FRYL: variants seen among roughly 807,000 people sequenced by gnomAD.
FRYL encodes protein furry homolog-like.
FRYL carries 150 observed loss-of-function variants against 351.2 expected under a neutral mutation model. The observed-to-expected ratio is 0.43, with a 90% CI of 0.37 to 0.49. The LOEUF is 0.49. Ranked by LOEUF, FRYL falls within the 20% of genes least tolerant of loss-of-function variation. FRYL has a pLI of 0.00. For synonymous variants in FRYL, 1,153 were observed against 1,257.1 expected (o/e 0.92, Z 1.75); for missense variants, 3,036 against 3,619.3 (o/e 0.84, Z 4.13).
intron 3 of FRYL, among the ~76,000 whole-genome samples, chr4:48,673,990 T>C (rs773817230): frequency 6.6e-6 from 1 of 152,240 alleles, no homozygotes; most frequent in Admixed American, 6.5e-5. Flanking sequence ...CATATGTTTC[T>C]TCCATTCTTA....
intron 8 of FRYL, 41 bp downstream of exon 8, chr4:48,609,703 T>G: frequency 1.0e-6 from 1 of 967,724 alleles, no homozygotes; most frequent in Non-Finnish European, 1.6e-6. Flanking sequence ...AGACCTGGAT[T>G]GCAAAAAAAG....
At chr4:48,689,417 A>T (rs1358329818) in intron 2 of FRYL, among the ~76,000 whole-genome samples, 5 of 152,236 alleles carry the variant, frequency 3.3e-5, no homozygotes, top group African/African-American at 1.2e-4. Flanking sequence ...CTACAAATTT[A>T]TCATATAAAT....
chr4:48,519,915 G>A (rs777712317), intron 55 of FRYL, among the ~76,000 whole-genome samples: 4 of 152,120 alleles, frequency 2.6e-5, no homozygotes, highest in Non-Finnish European at 5.9e-5. Context: ...TGTATTTTTA[G>A]TAGAGACGGA....
chr4:48,777,801 C>T (rs549834123), intron 1 of FRYL, among the ~76,000 whole-genome samples: 108 of 152,228 alleles, frequency 7.1e-4, no homozygotes, highest in Non-Finnish European at 1.2e-3. Flanking sequence ...TTATGCCTAG[C>T]TGCTTGCCTG....
chr4:48,687,242 C>T (rs1441729418), intron 2 of FRYL, among the ~76,000 whole-genome samples: 1 of 152,130 alleles, frequency 6.6e-6, no homozygotes, highest in Admixed American at 6.5e-5. Flanking sequence ...GGTAATTGTA[C>T]ATGGTCATGC....
At chr4:48,636,594 C>T (rs1398027901) in intron 3 of FRYL, among the ~76,000 whole-genome samples, 1 of 151,840 alleles carries the variant, frequency 6.6e-6, no homozygotes, top group Non-Finnish European at 1.5e-5. Context: ...AAAAATAAAG[C>T]ATAACCAAAT....
Position 48,549,391 on chromosome 4 carries a change from T to G in FRYL, c.4784+82A>C. 8.0e-7 allele frequency: 1 copy of G among 1,252,868 alleles called. No individual in the cohort carries two copies. The highest frequency in any genetic ancestry group is 2.4e-5 in the Admixed American group (1 of 42,036). The allele number at this position is 1,252,868 out of a possible 1,614,324, so 77.6% of individuals were successfully genotyped here. Reference sequence around the variant, plus strand: ...CATAAAGAAGATTGCTTTCATTCTGTGTTGTCAGATAGCACAAAGAAAGCC... The same window carrying G: ...CATAAAGAAGATTGCTTTCATTCTGGGTTGTCAGATAGCACAAAGAAAGCC... On this transcript the variant is annotated intron_variant, in intron 39 of 63. Transcript: ENST00000358350. The surrounding 1 kb of genome is among the most constrained non-coding windows in gnomAD (Gnocchi z 4.2).
At chr4:48,684,922 C>T (rs1406336330) in intron 2 of FRYL, 127 bp from the exon 3 acceptor site, 1 of 152,202 alleles carries the variant, frequency 6.6e-6, no homozygotes, top group Non-Finnish European at 1.5e-5. Flanking sequence ...CAGAGATCCT[C>T]TTTCAATAAT....
In FRYL at chr4:48,586,690, C is replaced by G; in HGVS notation, c.1679G>C (p.Cys560Ser). ...RKPKIDLFRT[C>S]IAAIPRLIPD... ...AATCAACCTTGGAATCGCAGCAATA[C>G]AAGTTCTAAACAAATCAATCTTGGG... Residue 560 changes from cysteine (C) to serine (S), a missense_variant, in exon 19 of 64, where the codon TGT (cysteine) becomes TCT (serine). Coordinates refer to ENST00000358350, the MANE Select transcript of FRYL (RefSeq NM_015030.2). 1 of 1,611,330 alleles carries G rather than the reference C, an allele frequency of 6.2e-7. No homozygotes were observed. The highest frequency in any genetic ancestry group is 8.5e-7 in the Non-Finnish European group (1 of 1,178,980).
chr4:48,633,506 T>G lies in FRYL; in HGVS notation c.120+785A>C, dbSNP rs568240575. Among the ~76,000 whole-genome samples, 3 of 152,296 alleles carry G rather than the reference T, an allele frequency of 2.0e-5. No individual in the cohort carries two copies. The East Asian group carries it at 5.8e-4, about 29-fold the overall frequency. On this transcript the variant is annotated intron_variant, in intron 4 of 63. Transcript: ENST00000358350. ...ATTCCATGTGGTGAGATCATCAGTA[T>G]CTCAAGCTTAAGGTACGCAAACGAA...
chr4:48,545,866 G>T (rs1731218645), intron 42 of FRYL, among the ~76,000 whole-genome samples: 1 of 152,186 alleles, frequency 6.6e-6, no homozygotes, highest in Non-Finnish European at 1.5e-5. Flanking sequence ...AGCCAGATAT[G>T]ATTAAAGTCC....
chr4:48,718,649 C>G (rs78282941), intron 1 of FRYL, among the ~76,000 whole-genome samples: 4,911 of 151,590 alleles, frequency 0.032, 309 homozygotes, highest in African/African-American at 0.11. Context: ...ATACTCTCTA[C>G]AGACACCTTC....
At chr4:48,559,951 C>A (rs548461987) in intron 33 of FRYL, among the ~76,000 whole-genome samples, 8 of 152,042 alleles carry the variant, frequency 5.3e-5, no homozygotes, top group Non-Finnish European at 1.2e-4. Context: ...TTGGAAGGTA[C>A]CTGGTGAGGC....
At chr4:48,614,804 A>C (rs569163113) in intron 7 of FRYL, among the ~76,000 whole-genome samples, 1 of 147,676 alleles carries the variant, frequency 6.8e-6, no homozygotes, top group East Asian at 2.0e-4. Flanking sequence ...ACCACTGCCA[A>C]AAGTTTAATG....
At chr4:48,670,589 C>A (rs1209912361) in intron 3 of FRYL, among the ~76,000 whole-genome samples, 1 of 151,998 alleles carries the variant, frequency 6.6e-6, no homozygotes, top group African/African-American at 2.4e-5. Context: ...CCACTCCTAG[C>A]CTCTGATCTC....
At chr4:48,728,262 T>G (rs1439736321) in intron 1 of FRYL, among the ~76,000 whole-genome samples, 4 of 151,710 alleles carry the variant, frequency 2.6e-5, no homozygotes, top group East Asian at 3.9e-4. Context: ...GCAGATGACA[T>G]AGCAAAAAAT....
intron 1 of FRYL, among the ~76,000 whole-genome samples, chr4:48,727,087 T>C (rs1025946746): frequency 3.3e-5 from 5 of 152,140 alleles, no homozygotes; most frequent in African/African-American, 1.2e-4. Flanking sequence ...TAATGGAATG[T>C]GCCTTTGGAA....
chr4:48,713,321 C>T (rs1768327994), intron 1 of FRYL, among the ~76,000 whole-genome samples: 1 of 152,126 alleles, frequency 6.6e-6, no homozygotes. Context: ...AAGACACTGA[C>T]TGGCAAATTG....
chr4:48,515,755 T>G (rs1577893274), intron 55 of FRYL, among the ~76,000 whole-genome samples: 2 of 152,166 alleles, frequency 1.3e-5, no homozygotes, highest in African/African-American at 2.4e-5. Context: ...ATATCACCTA[T>G]TATCATATAG....
Sources: allele counts gnomAD v4.1 joint callset (sites outside exome capture counted in the v4.1 genomes callset), GRCh38; gene constraint gnomAD v4.1.1; non-coding constraint Gnocchi (gnomAD v3.1); transcripts MANE v1.5; gene names NCBI Gene and HGNC (gene_info 2026-07-23, HGNC 2026-07-21).